CDK14: variants seen among roughly 807,000 people sequenced by gnomAD.
CDK14 encodes cyclin dependent kinase 14, also known as cyclin-dependent kinase 14.
In CDK14, 34 loss-of-function variants were observed where a neutral mutation model predicts 60.7. The observed-to-expected ratio is 0.56, with a 90% confidence interval of 0.43 to 0.75. The LOEUF (loss-of-function observed/expected upper bound fraction) is 0.75. CDK14 is among the 30% of genes least tolerant of loss of function. The probability of loss-of-function intolerance (pLI) is 0.00; values close to 1 mark genes in which losing one functional copy is unlikely to be tolerated. For synonymous variants in CDK14, 197 were observed against 203.7 expected, an observed-to-expected ratio of 0.97 and a Z score of 0.28; for missense variants, 482 against 564.1, an observed-to-expected ratio of 0.85 and a Z score of 1.47.
At chr7:91,140,404 T>G (rs1800420069) in intron 14 of CDK14, among the ~76,000 whole-genome samples, 1 of 152,226 alleles carries the variant, frequency 6.6e-6, no homozygotes, top group Admixed American at 6.5e-5. Context: ...TGTTTAATCC[T>G]GAGTTCTGTT....
intron 2 of CDK14, among the ~76,000 whole-genome samples, chr7:90,665,157 C>T (rs1009443925): frequency 4.9e-4 from 74 of 151,612 alleles, no homozygotes; most frequent in African/African-American, 1.5e-3. Flanking sequence ...TAGTGGCGGG[C>T]GCCTGTAGTC....
chr7:90,883,248 AAAATGTT>A (rs1791822430), intron 6 of CDK14, among the ~76,000 whole-genome samples: 1 of 152,214 alleles, frequency 6.6e-6, no homozygotes, highest in Non-Finnish European at 1.5e-5. Flanking sequence ...GGCACAATAA[AAAATGTT>A]AAAGGGGATA....
At chr7:90,904,232 A>G (rs1341297819) in intron 7 of CDK14, among the ~76,000 whole-genome samples, 2 of 152,116 alleles carry the variant, frequency 1.3e-5, no homozygotes, top group African/African-American at 2.4e-5. Context: ...TCTGTGAAGG[A>G]TCTGATCATT....
chr7:90,639,176 A>T (rs1800247897), intron 2 of CDK14, among the ~76,000 whole-genome samples: 1 of 152,152 alleles, frequency 6.6e-6, no homozygotes, highest in East Asian at 1.9e-4. Context: ...GCTGGTGAGG[A>T]ACTGCGTTCC....
chr7:90,711,884 GTT>G (rs71104485), intron 2 of CDK14, among the ~76,000 whole-genome samples: 5 of 133,394 alleles, frequency 3.7e-5, no homozygotes, highest in Admixed American at 1.5e-4. Context: ...AGTCTACTAT[GTT>G]TTTTTTTTTT....
At chr7:91,150,247 G>A (rs754467362) in intron 14 of CDK14, among the ~76,000 whole-genome samples, 4 of 152,188 alleles carry the variant, frequency 2.6e-5, no homozygotes, top group Non-Finnish European at 5.9e-5. Flanking sequence ...CCTCTTGCCT[G>A]CTGGCTGTTT....
chr7:90,621,646 T>TGCC (rs1190504932), intron 2 of CDK14, among the ~76,000 whole-genome samples: 62 of 145,412 alleles, frequency 4.3e-4, no homozygotes, highest in East Asian at 1.2e-3. Context: ...CCTTCCTTCC[T>TGCC]TCCTTCCTTC....
chr7:90,963,798 C>G (rs907778788), intron 9 of CDK14, among the ~76,000 whole-genome samples: 2 of 149,652 alleles, frequency 1.3e-5, no homozygotes, highest in African/African-American at 2.5e-5. Context: ...TCACTGCAAC[C>G]TTCGTCTCCC....
At chr7:91,197,984 G>A (rs956789916) in intron 14 of CDK14, among the ~76,000 whole-genome samples, 9 of 152,218 alleles carry the variant, frequency 5.9e-5, no homozygotes, top group African/African-American at 1.4e-4. Flanking sequence ...AAGCAGCTTC[G>A]TGTTGTGAAG....
At chr7:91,011,928 G>GT (rs1476384259) in intron 10 of CDK14, among the ~76,000 whole-genome samples, 1 of 152,034 alleles carries the variant, frequency 6.6e-6, no homozygotes. Context: ...GATTGATTCA[G>GT]TTGATTTTTC....
chr7:91,024,957 A>G (rs916718556), intron 10 of CDK14, among the ~76,000 whole-genome samples: 4 of 152,202 alleles, frequency 2.6e-5, no homozygotes, highest in Admixed American at 2.0e-4. Flanking sequence ...CCTTACTCCA[A>G]ATGCGATCCA....
chr7:90,917,794 A>G lies in CDK14; in HGVS notation c.826+70A>G, dbSNP rs1192239522. 4 of 1,494,168 alleles carry G rather than the reference A, an allele frequency of 2.7e-6. No homozygotes were observed. In the African/African-American group the frequency reaches 4.2e-5, roughly 16 times the overall value. 92.6% of individuals were successfully genotyped at this position (1,494,168 alleles called of 1,614,324 possible). A position where few individuals can be genotyped will look rare whatever the true frequency, so the allele number is the denominator to read the frequency against. On this transcript the variant is annotated intron_variant, in intron 8 of 14. Coordinates refer to ENST00000380050, the MANE Select transcript of CDK14 (RefSeq NM_001287135.2). ...AATGCCAGGCAGATGGTGGCACTGC[A>G]TTTGTTTAGGTGCACTTCTTCTATC...
chr7:90,895,680 C>T (rs1205618110), intron 6 of CDK14, among the ~76,000 whole-genome samples: 3 of 147,144 alleles, frequency 2.0e-5, no homozygotes, highest in African/African-American at 7.6e-5. Flanking sequence ...CCTGCCTCAG[C>T]TTCCCGAGTA....
At chr7:90,992,595 G>A (rs1795571922) in intron 10 of CDK14, among the ~76,000 whole-genome samples, 1 of 152,128 alleles carries the variant, frequency 6.6e-6, no homozygotes, top group South Asian at 2.1e-4. Context: ...CCATGTTCTG[G>A]GGAGTTTTCT....
At chr7:90,878,994 G>A (rs1307790244) in intron 6 of CDK14, among the ~76,000 whole-genome samples, 1 of 152,186 alleles carries the variant, frequency 6.6e-6, no homozygotes, top group Non-Finnish European at 1.5e-5. Flanking sequence ...CCAAATATTT[G>A]TATATCAGTC....
chr7:91,064,098 C>A (rs1023240017), intron 11 of CDK14, among the ~76,000 whole-genome samples: 6 of 152,148 alleles, frequency 3.9e-5, no homozygotes, highest in Non-Finnish European at 8.8e-5. Context: ...AAACAAAAGA[C>A]AGATTTATTC....
intron 2 of CDK14, among the ~76,000 whole-genome samples, chr7:90,633,523 G>C (rs574527744): frequency 2.5e-4 from 38 of 152,212 alleles, no homozygotes; most frequent in African/African-American, 8.9e-4. Context: ...AATCACCATA[G>C]TTTATGTTTA....
intron 5 of CDK14, among the ~76,000 whole-genome samples, chr7:90,820,930 T>C (rs542141393): frequency 6.6e-6 from 1 of 152,348 alleles, no homozygotes; most frequent in South Asian, 2.1e-4. Flanking sequence ...TCAGGTTGTC[T>C]ATGCCAGGGT....
chr7:91,115,434 G>A (rs1799578283), intron 13 of CDK14, among the ~76,000 whole-genome samples: 1 of 152,046 alleles, frequency 6.6e-6, no homozygotes, highest in African/African-American at 2.4e-5. Context: ...CCTCCCTTAT[G>A]AGTTCATCTA....
Sources: gnomAD v4.1 joint callset for allele counts (sites outside exome capture counted in the v4.1 genomes callset) on GRCh38, gnomAD v4.1.1 for gene constraint, MANE v1.5 for transcripts, NCBI Gene and HGNC (gene_info 2026-07-23, HGNC 2026-07-21) for gene names.